Variants in MSI2 observed in about 807,000 individuals in gnomAD.
The protein encoded by MSI2 is musashi RNA binding protein 2.
Under a neutral mutation model 45.6 loss-of-function variants are expected in MSI2, and 17 were observed. The observed-to-expected ratio is 0.37, with a 90% CI of 0.26 to 0.56. MSI2 has a LOEUF of 0.56. MSI2 is among the 20% of genes least tolerant of loss of function. The pLI, the probability that MSI2 is intolerant of heterozygous loss-of-function variation, is 0.77. For missense variants in MSI2, 293 were observed against 444.2 expected, an observed-to-expected ratio of 0.66 and a Z score of 3.06; for synonymous variants, 156 against 158.2, an observed-to-expected ratio of 0.99 and a Z score of 0.11.
chr17:57,666,844 C>A (rs913448327), intron 11 of MSI2, among the ~76,000 whole-genome samples: 5 of 98,888 alleles, frequency 5.1e-5, no homozygotes, highest in African/African-American at 3.0e-4. Context: ...GCCAAACTGA[C>A]TTCTTTTTTG....
intron 5 of MSI2, among the ~76,000 whole-genome samples, chr17:57,378,530 G>A (rs2083541964): frequency 6.6e-6 from 1 of 152,254 alleles, no homozygotes; most frequent in Non-Finnish European, 1.5e-5. Flanking sequence ...CCAAAGTGCT[G>A]GGATTACAGG....
intron 5 of MSI2, among the ~76,000 whole-genome samples, chr17:57,281,936 G>A (rs1483864210): frequency 6.6e-6 from 1 of 152,204 alleles, no homozygotes; most frequent in Non-Finnish European, 1.5e-5. Context: ...ACCTGAAAAT[G>A]TGTCTTCCAT....
At chr17:57,503,278 C>T (rs1182697177) in intron 6 of MSI2, among the ~76,000 whole-genome samples, 3 of 152,160 alleles carry the variant, frequency 2.0e-5, no homozygotes, top group African/African-American at 7.2e-5. Context: ...AAGGAGTTGG[C>T]AAATTACTTT....
At chr17:57,600,099 A>G (rs892821808) in intron 8 of MSI2, among the ~76,000 whole-genome samples, 6 of 152,230 alleles carry the variant, frequency 3.9e-5, no homozygotes, top group Non-Finnish European at 8.8e-5. Flanking sequence ...CTGAGGCCCA[A>G]AGAAAAGGAA....
intron 7 of MSI2, among the ~76,000 whole-genome samples, chr17:57,541,356 A>G (rs2087042606): frequency 6.6e-6 from 1 of 152,202 alleles, no homozygotes; most frequent in Admixed American, 6.5e-5. Flanking sequence ...TTGGCAATTC[A>G]GGGAAATAAT....
chr17:57,449,579 T>C (rs1440866213), intron 6 of MSI2: 1 of 152,218 alleles, frequency 6.6e-6, no homozygotes, highest in African/African-American at 2.4e-5. Flanking sequence ...GTGTCCATTA[T>C]AGACATATGC....
At chr17:57,636,706 A>C (rs1025027960) in intron 10 of MSI2, among the ~76,000 whole-genome samples, 1 of 152,102 alleles carries the variant, frequency 6.6e-6, no homozygotes, top group Non-Finnish European at 1.5e-5. Flanking sequence ...CTCCTGCTTC[A>C]GTTTTTAAGG....
chr17:57,673,957 T>C (rs571550975), intron 11 of MSI2, among the ~76,000 whole-genome samples: 465 of 152,222 alleles, frequency 3.1e-3, no homozygotes, highest in Non-Finnish European at 5.1e-3. Context: ...CTTTTTTTTT[T>C]TTAAACAAAA....
chr17:57,446,986 C>A (rs985345917), intron 6 of MSI2, among the ~76,000 whole-genome samples: 1 of 152,168 alleles, frequency 6.6e-6, no homozygotes, highest in Non-Finnish European at 1.5e-5. Flanking sequence ...AAAGTTGCCT[C>A]CAAAAATCCA....
chr17:57,444,438 G>T (rs992475843), intron 6 of MSI2: 1 of 152,158 alleles, frequency 6.6e-6, no homozygotes, highest in Non-Finnish European at 1.5e-5. Context: ...ACAAAAATTA[G>T]TCGGGCGTGG....
intron 5 of MSI2, among the ~76,000 whole-genome samples, chr17:57,317,738 T>A (rs1912972545): frequency 6.6e-6 from 1 of 152,146 alleles, no homozygotes; most frequent in African/African-American, 2.4e-5. Context: ...GATAGGGACT[T>A]ATTTCCTGAG....
chr17:57,636,401 G>C (rs552755520), intron 10 of MSI2, among the ~76,000 whole-genome samples: 1 of 152,284 alleles, frequency 6.6e-6, no homozygotes, highest in South Asian at 2.1e-4. Context: ...GCTGGGAGTG[G>C]TAACCTGGGC....
In MSI2 at chr17:57,592,767, C is replaced by T. The variant is rs891674101; in HGVS notation, c.455-4101C>T. 5.9e-5 allele frequency among the ~76,000 whole-genome samples: 9 copies of T among 152,172 alleles called. No individual in the cohort carries two copies. The East Asian group carries it at 1.5e-3, about 26-fold the overall frequency. On this transcript the variant is annotated intron_variant, in intron 7 of 13. Coordinates refer to ENST00000284073, the MANE Select transcript of MSI2 (RefSeq NM_138962.4). ...GATGATGCCCTGAGTCTTGCCCCGA[C>T]CCTTCCTGGTGCAACAGTCTGCATT...
At chr17:57,319,524 G>T (rs576007028) in intron 5 of MSI2, among the ~76,000 whole-genome samples, 1 of 152,276 alleles carries the variant, frequency 6.6e-6, no homozygotes, top group South Asian at 2.1e-4. Context: ...ATCAAATATG[G>T]TAGAGACTTT....
rs75618966 is a variant in MSI2 at position 57,649,367 on chromosome 17, A to G, written c.728-2732A>G. ...GCCCAACACATATACACAACACATA[A>G]CACACATGTACTCAACACACACATC... On this transcript the variant is annotated intron_variant, in intron 10 of 13. Transcript: ENST00000284073. 9.8e-3 allele frequency among the ~76,000 whole-genome samples: 1,492 copies of G among 151,736 alleles called. 19 individuals are homozygous for G. Among genetic ancestry groups the G allele is most frequent in the African/African-American group, 0.034 (1,395 of 41,350 alleles).
chr17:57,700,134 C>G, the MSI2 span, among the ~76,000 whole-genome samples: 1 of 152,212 alleles, frequency 6.6e-6, no homozygotes, highest in South Asian at 2.1e-4. Flanking sequence ...CAGCATTTGG[C>G]TGGATGGGAC....
At chr17:57,464,551 A>G (rs545366787) in intron 6 of MSI2, among the ~76,000 whole-genome samples, 12 of 152,284 alleles carry the variant, frequency 7.9e-5, no homozygotes, top group Admixed American at 3.9e-4. Context: ...TGGGGAGAAC[A>G]TGGTTAGATC....
At chr17:57,389,097 G>C (rs2083738738) in intron 5 of MSI2, among the ~76,000 whole-genome samples, 1 of 150,910 alleles carries the variant, frequency 6.6e-6, no homozygotes, top group Non-Finnish European at 1.5e-5. Flanking sequence ...TTCTGCCTCA[G>C]CCTCCCAAGT....
At chr17:57,510,122 T>C (rs942832069) in intron 6 of MSI2, among the ~76,000 whole-genome samples, 2 of 152,070 alleles carry the variant, frequency 1.3e-5, no homozygotes, top group African/African-American at 4.8e-5. Flanking sequence ...CCACGAGGTT[T>C]CCCCATCTAC....
Sources: gnomAD v4.1 joint callset for allele counts (sites outside exome capture counted in the v4.1 genomes callset) on GRCh38, gnomAD v4.1.1 for gene constraint, MANE v1.5 for transcripts, NCBI Gene and HGNC (gene_info 2026-07-23, HGNC 2026-07-21) for gene names.